Variants in KCNK13 observed in about 807,000 individuals in gnomAD.
The protein encoded by KCNK13 is potassium two pore domain channel subfamily K member 13, also known as potassium channel subfamily K member 13.
KCNK13 carries 12 observed loss-of-function variants against 23.4 expected under a neutral mutation model. The observed-to-expected ratio is 0.51, with a 90% CI of 0.33 to 0.83. The LOEUF is 0.83. KCNK13 is among the 40% of genes least tolerant of loss of function. KCNK13 has a pLI of 0.02. For synonymous variants in KCNK13, 231 were observed against 229.5 expected (o/e 1.01, Z -0.06); for missense variants, 463 against 556.3 (o/e 0.83, Z 1.69).
chr14:90,157,256 A>G (rs904141311), intron 1 of KCNK13, among the ~76,000 whole-genome samples: 1 of 152,222 alleles, frequency 6.6e-6, no homozygotes, highest in Non-Finnish European at 1.5e-5. Context: ...ATCCTCAGTT[A>G]ACCAGAATAT....
chr14:90,164,789 G>A (rs1189366500), intron 1 of KCNK13, among the ~76,000 whole-genome samples: 4 of 152,204 alleles, frequency 2.6e-5, no homozygotes, highest in Non-Finnish European at 4.4e-5. Context: ...ACCATAAAAG[G>A]TGAGAGAACC....
chr14:90,126,057 A>T (rs184774676), intron 1 of KCNK13, among the ~76,000 whole-genome samples: 1 of 152,070 alleles, frequency 6.6e-6, no homozygotes, highest in African/African-American at 2.4e-5. Context: ...GAGTTGGAAA[A>T]TAACTCCAAT....
chr14:90,077,312 G>C (rs1889150747), intron 1 of KCNK13, among the ~76,000 whole-genome samples: 1 of 151,310 alleles, frequency 6.6e-6, no homozygotes, highest in East Asian at 1.9e-4. Flanking sequence ...GTGTAGACAG[G>C]GTTTCGCCAT....
Position 90,135,478 on chromosome 14 carries a change from T to C in KCNK13, c.335-48633T>C, listed in dbSNP as rs10083448. Among the ~76,000 whole-genome samples, 1,260 of 152,270 alleles carry C rather than the reference T, an allele frequency of 8.3e-3. 22 individuals carry two copies. Among genetic ancestry groups the C allele is most frequent in the African/African-American group, 0.029 (1,206 of 41,548 alleles). ...TTTCTAAAACATAAAAATGTTGAGGTTCCATTGTTTTCTGTTTGATGGCCA... is the reference window on the plus strand; with the variant it reads ...TTTCTAAAACATAAAAATGTTGAGGCTCCATTGTTTTCTGTTTGATGGCCA... On this transcript the variant is annotated intron_variant, in intron 1 of 1. Transcript: ENST00000282146.
Position 90,068,680 on chromosome 14 carries a change from G to A in KCNK13, c.334+6141G>A, listed in dbSNP as rs913681696. ...AGAATCAAAGTCTGTGCTTTAATAA[G>A]ACACCCAGGTGAGTCCTGGGCACAT... On this transcript the variant is annotated intron_variant, in intron 1 of 1. Coordinates refer to ENST00000282146, the MANE Select transcript of KCNK13 (RefSeq NM_022054.4). Among the ~76,000 whole-genome samples the A allele has an allele frequency of 7.2e-5, 11 of 152,180 alleles. 1 individual carries two copies. The highest frequency in any genetic ancestry group is 4.6e-4 in the Admixed American group (7 of 15,282).
chr14:90,074,902 C>A (rs1350922997), intron 1 of KCNK13, among the ~76,000 whole-genome samples: 3 of 152,160 alleles, frequency 2.0e-5, no homozygotes, highest in Non-Finnish European at 2.9e-5. Context: ...TATGCTAATA[C>A]CTATTTTTAA....
chr14:90,082,171 C>A (rs1364278867), intron 1 of KCNK13, among the ~76,000 whole-genome samples: 1 of 152,186 alleles, frequency 6.6e-6, no homozygotes. Flanking sequence ...AAGTGATTCT[C>A]CTGCCTCAGC....
At chr14:90,095,147 C>T (rs1033717592) in intron 1 of KCNK13, among the ~76,000 whole-genome samples, 1 of 152,144 alleles carries the variant, frequency 6.6e-6, no homozygotes, top group African/African-American at 2.4e-5. Flanking sequence ...AGAATCACAG[C>T]GTCTCTGTCA....
chr14:90,126,447 C>T (rs1015949864), intron 1 of KCNK13, among the ~76,000 whole-genome samples: 1 of 140,182 alleles, frequency 7.1e-6, no homozygotes. Context: ...CGTGATGTGA[C>T]GTGACGTGAC....
chr14:90,140,531 C>G (rs1323664319), intron 1 of KCNK13, among the ~76,000 whole-genome samples: 1 of 152,172 alleles, frequency 6.6e-6, no homozygotes, highest in Non-Finnish European at 1.5e-5. Context: ...CGAGTCCCCT[C>G]TCTCTAAAGA....
At chr14:90,107,148 A>G (rs535688808) in intron 1 of KCNK13, among the ~76,000 whole-genome samples, 2 of 152,216 alleles carry the variant, frequency 1.3e-5, no homozygotes, top group East Asian at 3.9e-4. Flanking sequence ...ACTGTCCATG[A>G]TGAGATTGCC....
intron 1 of KCNK13, among the ~76,000 whole-genome samples, chr14:90,171,546 G>A (rs1477381908): frequency 6.6e-6 from 1 of 152,174 alleles, no homozygotes; most frequent in African/African-American, 2.4e-5. Context: ...AAGTCCTGAC[G>A]GCATGTGCCT....
At chr14:90,134,361 G>GGTAA (rs1889910549) in intron 1 of KCNK13, among the ~76,000 whole-genome samples, 1 of 152,188 alleles carries the variant, frequency 6.6e-6, no homozygotes. Context: ...TGTACGCAGA[G>GGTAA]GTAACACTTC....
chr14:90,095,314 C>A (rs1889398020), intron 1 of KCNK13, among the ~76,000 whole-genome samples: 1 of 152,074 alleles, frequency 6.6e-6, no homozygotes, highest in Non-Finnish European at 1.5e-5. Context: ...TCCTAGGAAA[C>A]TAAAAAAAAT....
intron 1 of KCNK13, among the ~76,000 whole-genome samples, chr14:90,064,142 C>T (rs1344981635): frequency 6.6e-6 from 1 of 152,198 alleles, no homozygotes; most frequent in African/African-American, 2.4e-5. Flanking sequence ...AAGACAGTTC[C>T]AGAATCTCCA....
At chr14:90,132,028 C>T (rs1432719305) in intron 1 of KCNK13, among the ~76,000 whole-genome samples, 1 of 152,206 alleles carries the variant, frequency 6.6e-6, no homozygotes, top group Non-Finnish European at 1.5e-5. Flanking sequence ...GGAAGCAACC[C>T]AACTGTCCGT....
intron 1 of KCNK13, among the ~76,000 whole-genome samples, chr14:90,132,425 T>A (rs112591354): frequency 0.099 from 14,991 of 151,724 alleles, 1,048 homozygotes; most frequent in Admixed American, 0.25. Flanking sequence ...ATGCCTGTAA[T>A]CCCAGCTACT....
In KCNK13 at chr14:90,084,072, T is replaced by C. The variant is rs1889243731; in HGVS notation, c.334+21533T>C. On this transcript the variant is annotated intron_variant, in intron 1 of 1. Coordinates refer to ENST00000282146, the MANE Select transcript of KCNK13 (RefSeq NM_022054.4). The stretch of plus-strand genomic sequence containing the variant: ...TTCTAGTGTCTTGATTACTGTGGCT[T>C]TGTAGTAAATTTTGAAATCAGGAAG... Among the ~76,000 whole-genome samples the C allele has an allele frequency of 2.0e-5, 3 of 152,204 alleles. No individual in the cohort carries two copies. In the South Asian group the frequency reaches 6.2e-4, roughly 32 times the overall value.
chr14:90,144,495 C>CTTTTTTTTTTTTTT (rs71117323), intron 1 of KCNK13, among the ~76,000 whole-genome samples: 2 of 119,238 alleles, frequency 1.7e-5, no homozygotes, highest in Non-Finnish European at 1.6e-5. Flanking sequence ...TTTACTTTCT[C>CTTTTTTTTTTTTTT]TTTTTTTTTT....
Sources: gnomAD v4.1 joint callset for allele counts (sites outside exome capture counted in the v4.1 genomes callset) on GRCh38, gnomAD v4.1.1 for gene constraint, MANE v1.5 for transcripts, NCBI Gene and HGNC (gene_info 2026-07-23, HGNC 2026-07-21) for gene names.